The following DOCK4 variants were observed in gnomAD, a reference collection of about 807,000 sequenced individuals.
DOCK4 encodes dedicator of cytokinesis protein 4.
DOCK4 carries 97 observed loss-of-function variants against 268.1 expected under a neutral mutation model. That is an observed-to-expected ratio of 0.36 (90% CI 0.31 to 0.43). The LOEUF (loss-of-function observed/expected upper bound fraction) is 0.43, where lower values mean the gene tolerates loss of function less well. Among genes scored for constraint, DOCK4 ranks in the 20% least tolerant of loss-of-function variants. The pLI, the probability that DOCK4 is intolerant of heterozygous loss-of-function variation, is 1.00. For missense variants in DOCK4, 2,145 were observed against 2,455.7 expected, an observed-to-expected ratio of 0.87 and a Z score of 2.67; for synonymous variants, 954 against 887.2, an observed-to-expected ratio of 1.08 and a Z score of -1.34.
chr7:111,763,773 G>T (rs140932130), intron 39 of DOCK4, among the ~76,000 whole-genome samples: 15 of 152,240 alleles, frequency 9.9e-5, no homozygotes, highest in Admixed American at 5.9e-4. Context: ...GCCATCTGCA[G>T]TCCTTAGGGG....
Position 112,050,810 on chromosome 7 carries a change from T to C in DOCK4, c.38-46679A>G, listed in dbSNP as rs1019040938. 1.3e-5 allele frequency among the ~76,000 whole-genome samples: 2 copies of C among 152,186 alleles called. 1 individual carries two copies. Among genetic ancestry groups the C allele is most frequent in the South Asian group, 4.1e-4 (2 of 4,836 alleles). On this transcript the variant is annotated intron_variant, in intron 1 of 52. Coordinates refer to ENST00000428084, the MANE Select transcript of DOCK4 (RefSeq NM_001363540.2). ...ATTTGAAAGTCTGCATAAGTTTTCA[T>C]GTTGTCAAGACAAATTGAAATTGCC...
rs182589526 is a variant in DOCK4, at chr7:112,048,962, C to T, written c.38-44831G>A. The stretch of plus-strand genomic sequence containing the variant: ...CCTCCCCCAAAATATCTTTCAGAAA[C>T]GAATGTTAGATAAAAACTTATTCAG... On this transcript the variant is annotated intron_variant, in intron 1 of 52. Transcript: ENST00000428084. Among the ~76,000 whole-genome samples, 332 of 151,608 alleles carry T rather than the reference C, an allele frequency of 2.2e-3. 1 individual carries two copies. Among genetic ancestry groups the T allele is most frequent in the African/African-American group, 7.1e-3 (295 of 41,312 alleles).
intron 1 of DOCK4, among the ~76,000 whole-genome samples, chr7:112,102,972 GT>G (rs1810826951): frequency 6.6e-6 from 1 of 152,152 alleles, no homozygotes; most frequent in Admixed American, 6.5e-5. Context: ...AAAGTTATGA[GT>G]AAAATAAGAA....
intron 34 of DOCK4, among the ~76,000 whole-genome samples, 159 bp from the exon 35 acceptor site, chr7:111,783,083 A>G (rs1798899238): frequency 6.6e-6 from 1 of 152,070 alleles, no homozygotes; most frequent in South Asian, 2.1e-4. Context: ...GCGTTCGTTC[A>G]TTTAGATACA....
chr7:111,936,281 G>A (rs797021770), intron 11 of DOCK4, among the ~76,000 whole-genome samples: 2 of 152,168 alleles, frequency 1.3e-5, no homozygotes, highest in African/African-American at 4.8e-5. Flanking sequence ...TTCCACATGG[G>A]GCATCTCTCC....
intron 16 of DOCK4, among the ~76,000 whole-genome samples, chr7:111,893,633 C>T (rs1011797053): frequency 2.6e-5 from 4 of 152,160 alleles, no homozygotes; most frequent in East Asian, 1.9e-4. Flanking sequence ...AGATCATCCC[C>T]GCAGTCTAGT....
chr7:112,205,941 CCT>C (rs1323167389), intron 1 of DOCK4, among the ~76,000 whole-genome samples, 159 bp downstream of exon 1: 4 of 152,284 alleles, frequency 2.6e-5, no homozygotes, highest in Non-Finnish European at 5.9e-5. Flanking sequence ...GGTGCGCAGC[CCT>C]CTGCCTGGAG....
chr7:111,990,594 C>T (rs368317069), intron 5 of DOCK4, among the ~76,000 whole-genome samples: 10 of 152,138 alleles, frequency 6.6e-5, no homozygotes, highest in Admixed American at 2.0e-4. Context: ...GACAAATTTG[C>T]CAGAGGAACA....
Position 112,132,860 on chromosome 7 carries a change from A to G in DOCK4, c.37+73242T>C, listed in dbSNP as rs1187497272. On this transcript the variant is annotated intron_variant, in intron 1 of 52. Transcript: ENST00000428084. Reference sequence around the variant, plus strand: ...AGCTTGACAGACCCACTTTCGCTGCAGGATTCATTAAGCAAGGAAGCTCCT... The same window carrying G: ...AGCTTGACAGACCCACTTTCGCTGCGGGATTCATTAAGCAAGGAAGCTCCT... Among the ~76,000 whole-genome samples, 2 of 152,186 alleles carry G rather than the reference A, an allele frequency of 1.3e-5. 1 individual carries two copies. The highest frequency in any genetic ancestry group is 4.1e-4 in the South Asian group (2 of 4,834).
chr7:111,914,520 C>G (rs1314819826), intron 13 of DOCK4, among the ~76,000 whole-genome samples: 1 of 152,166 alleles, frequency 6.6e-6, no homozygotes, highest in African/African-American at 2.4e-5. Context: ...GTATTTTGAC[C>G]AAGTTAGCCT....
chr7:112,054,574 A>G (rs1805652800), intron 1 of DOCK4, among the ~76,000 whole-genome samples: 1 of 152,138 alleles, frequency 6.6e-6, no homozygotes, highest in South Asian at 2.1e-4. Flanking sequence ...CTGACAAAAA[A>G]AAACAAAACT....
chr7:111,957,866 C>G (rs1796563083), intron 8 of DOCK4, among the ~76,000 whole-genome samples: 1 of 152,094 alleles, frequency 6.6e-6, no homozygotes, highest in African/African-American at 2.4e-5. Context: ...ATTTGTAGTC[C>G]AAAAATCTCT....
chr7:111,875,367 T>A (rs1043648566), intron 17 of DOCK4, among the ~76,000 whole-genome samples: 1 of 152,236 alleles, frequency 6.6e-6, no homozygotes, highest in African/African-American at 2.4e-5. Context: ...GTGTCTAACA[T>A]CCTAAACTCT....
At chr7:111,751,963 T>C (rs1796686528) in intron 42 of DOCK4, among the ~76,000 whole-genome samples, 1 of 152,178 alleles carries the variant, frequency 6.6e-6, no homozygotes, top group Non-Finnish European at 1.5e-5. Context: ...TCTTACTACA[T>C]TGCCCAGGCT....
At chr7:111,790,330 G>T in intron 31 of DOCK4, 127 bp downstream of exon 31, 2 of 1,134,506 alleles carry the variant, frequency 1.8e-6, no homozygotes, top group Non-Finnish European at 2.5e-6. Flanking sequence ...GAGTGGATAG[G>T]CCAGGCTGGA....
At chr7:112,146,407 C>T (rs1298631204) in intron 1 of DOCK4, among the ~76,000 whole-genome samples, 1 of 152,128 alleles carries the variant, frequency 6.6e-6, no homozygotes, top group Non-Finnish European at 1.5e-5. Context: ...ATTTCAAAGC[C>T]CCAAAAGCTG....
chr7:112,015,250 G>A (rs1801716964), intron 1 of DOCK4, among the ~76,000 whole-genome samples: 1 of 152,138 alleles, frequency 6.6e-6, no homozygotes, highest in Non-Finnish European at 1.5e-5. Flanking sequence ...CCAGCACCAG[G>A]ACAATTTACA....
At chr7:111,740,852 G>A (rs1033685564) in intron 47 of DOCK4, among the ~76,000 whole-genome samples, 2 of 148,624 alleles carry the variant, frequency 1.3e-5, no homozygotes, top group Admixed American at 1.4e-4. Flanking sequence ...GCTGAACCTT[G>A]TGCAGCGTGC....
chr7:111,908,530 T>C (rs1791808069), intron 13 of DOCK4, among the ~76,000 whole-genome samples: 1 of 152,134 alleles, frequency 6.6e-6, no homozygotes, highest in African/African-American at 2.4e-5. Flanking sequence ...ATTTATTTTT[T>C]ATATTTTTGT....
Sources: allele counts gnomAD v4.1 joint callset (sites outside exome capture counted in the v4.1 genomes callset), GRCh38; gene constraint gnomAD v4.1.1; transcripts MANE v1.5; gene names NCBI Gene and HGNC (gene_info 2026-07-23, HGNC 2026-07-21).